RIC8A: variants seen among roughly 807,000 people sequenced by gnomAD.
RIC8A encodes RIC8 guanine nucleotide exchange factor A.
In RIC8A, 37 loss-of-function variants were observed where a neutral mutation model predicts 48.4. The ratio of observed to expected loss-of-function variants is 0.77; its 90% confidence interval spans 0.59 to 1.01. The LOEUF (loss-of-function observed/expected upper bound fraction) is 1.01. Ranked by LOEUF, RIC8A falls within the 50% of genes least tolerant of loss-of-function variation. RIC8A has a pLI of 0.00. For synonymous variants in RIC8A, 288 were observed against 283.4 expected (o/e 1.02, Z -0.16); for missense variants, 681 against 696.8 (o/e 0.98, Z 0.25).
intron 9 of RIC8A, among the ~76,000 whole-genome samples, chr11:214,010 C>G (rs961418596): frequency 2.0e-5 from 3 of 151,840 alleles, no homozygotes; most frequent in African/African-American, 7.3e-5. Context: ...AAATTAAGAG[C>G]CTGCTTAAGG....
Position 209,855 on chromosome 11 carries a change from A to C in RIC8A, c.581A>C (p.Asp194Ala). ...QELKGVRLLTDTLELTLGVTP... is the reference protein window; with the variant it reads ...QELKGVRLLTATLELTLGVTP... ...CTGAAAGGAGTGCGCCTGCTAACTG[A>C]CACACTGGAGCTGACGCTGGGGGTG... is the stretch of plus-strand genomic sequence containing the variant. Residue 194 changes from aspartate (D) to alanine (A), a missense_variant, in exon 3 of 10, where the codon GAC becomes GCC. Physicochemically the swap from Asp to Ala is moderately radical, Grantham distance 126 (BLOSUM62 -2). Transcript: ENST00000526104. The C allele has an allele frequency of 6.2e-7, 1 of 1,613,362 alleles. No individual in the cohort carries two copies. The highest frequency in any genetic ancestry group is 8.5e-7 in the Non-Finnish European group (1 of 1,180,012).
Position 211,464 on chromosome 11 carries a change from GGT to G in RIC8A, c.969+119_969+120del. ...ACTGGTACGTGGAGATTGTCTTGGT[GGT>G]GTGATATGGGCGACTCTTCCGGTTG... On this transcript the variant is annotated intron_variant, in intron 5 of 9. Coordinates refer to ENST00000526104, the MANE Select transcript of RIC8A (RefSeq NM_001286134.2). This position sits in a 1 kb window ranked among gnomAD's most constrained non-coding sequence, Gnocchi z 4.0. The G allele has an allele frequency of 8.6e-7, 1 of 1,161,424 alleles. No homozygotes were observed. Among genetic ancestry groups the G allele is most frequent in the Non-Finnish European group, 1.2e-6 (1 of 839,098 alleles). 71.9% of individuals were successfully genotyped at this position (1,161,424 alleles called of 1,614,324 possible). A position where few individuals can be genotyped will look rare whatever the true frequency, so the allele number is the denominator to read the frequency against.
chr11:214,771 T>C lies in RIC8A; in HGVS notation c.*421T>C, dbSNP rs369536042. 2.0e-5 allele frequency: 7 copies of C among 345,784 alleles called. No individual in the cohort carries two copies. In the East Asian group the frequency reaches 3.9e-4, roughly 19 times the overall value. The allele number at this position is 345,784 out of a possible 1,614,324, so 21.4% of individuals were successfully genotyped here. A position where few individuals can be genotyped will look rare whatever the true frequency, so the allele number is the denominator to read the frequency against. ...AGAGCCAGTGTGTTGGGGTATGTGC[T>C]GCACTTCCCAGGGAGAAAACCTGTC... On this transcript the variant is annotated 3_prime_UTR_variant, in exon 10 of 10. Coordinates refer to ENST00000526104, the MANE Select transcript of RIC8A (RefSeq NM_001286134.2).
At position 213,370 on chromosome 11, in the gene RIC8A, A is replaced by G; in HGVS notation, c.1427A>G (p.Lys476Arg). ...NPMEGMTEEQ[K>R]EHEAMKLVTM... is the part of the protein sequence containing the mutation. ...ATGGAGGGCATGACAGAGGAGCAGA[A>G]GGAGCACGAGGCCATGAAGCTGGTG... Residue 476 changes from lysine to arginine, a missense_variant, in exon 9 of 10, where the codon AAG becomes AGG. Physicochemically the swap from Lys to Arg is conservative, Grantham distance 26 (BLOSUM62 2). Coordinates refer to ENST00000526104, the MANE Select transcript of RIC8A (RefSeq NM_001286134.2). 1 of 1,610,882 alleles carries G rather than the reference A, an allele frequency of 6.2e-7. No individual in the cohort carries two copies. Among genetic ancestry groups the G allele is most frequent in the Non-Finnish European group, 8.5e-7 (1 of 1,178,550 alleles).
In RIC8A at chr11:215,012, A is replaced by G. The variant is rs186510149; in HGVS notation, c.*662A>G. 3.3e-3 allele frequency: 532 copies of G among 162,624 alleles called. 3 individuals are homozygous for G. Among genetic ancestry groups the G allele is most frequent in the Admixed American group, 9.5e-3 (173 of 18,196 alleles). 10.1% of individuals were successfully genotyped at this position (162,624 alleles called of 1,614,324 possible). A position where few individuals can be genotyped will look rare whatever the true frequency, so the allele number is the denominator to read the frequency against. On this transcript the variant is annotated 3_prime_UTR_variant, in exon 10 of 10. Coordinates refer to ENST00000526104, the MANE Select transcript of RIC8A (RefSeq NM_001286134.2). ...ACTGGTTTAGACTACACTTACAACA[A>G]GGAAAATGCCCCTCGTGTGACCATA...
At chr11:213,158 T>C in intron 8 of RIC8A, 141 bp from the exon 9 acceptor site, 1 of 1,387,108 alleles carries the variant, frequency 7.2e-7, no homozygotes, top group South Asian at 1.4e-5. Context: ...TGGCAGGAGC[T>C]GGTTACCTGT....
In RIC8A at chr11:208,979, G is replaced by A; in HGVS notation, c.84+41G>A. The A allele has an allele frequency of 7.0e-7, 1 of 1,424,310 alleles. No homozygotes were observed. The highest frequency in any genetic ancestry group is 9.7e-7 in the Non-Finnish European group (1 of 1,028,818). The allele number at this position is 1,424,310 out of a possible 1,614,324, so 88.2% of individuals were successfully genotyped here. On this transcript the variant is annotated intron_variant, in intron 1 of 9. Coordinates refer to ENST00000526104, the MANE Select transcript of RIC8A (RefSeq NM_001286134.2). The surrounding 1 kb of genome is among the most constrained non-coding windows in gnomAD (Gnocchi z 4.8). ...AGGCCGGGGGGCGGGCACGGAGGGGGTGGGGCAGGGTCGTGCGCGGGTAGC... is the reference window on the plus strand; with the variant it reads ...AGGCCGGGGGGCGGGCACGGAGGGGATGGGGCAGGGTCGTGCGCGGGTAGC...
In RIC8A at chr11:211,413, G is replaced by A. The variant is rs1855354160; in HGVS notation, c.969+64G>A. The A allele has an allele frequency of 2.6e-6, 4 of 1,536,800 alleles. No homozygotes were observed. In the African/African-American group the frequency reaches 4.1e-5, roughly 16 times the overall value. On this transcript the variant is annotated intron_variant, in intron 5 of 9. Coordinates refer to ENST00000526104, the MANE Select transcript of RIC8A (RefSeq NM_001286134.2). This position sits in a 1 kb window ranked among gnomAD's most constrained non-coding sequence, Gnocchi z 4.0. ...CTGGCACTGGTTCTCCTGCACAGATGTGGTCAGTGCTTCCACACTGTCCAC... is the reference window on the plus strand; with the variant it reads ...CTGGCACTGGTTCTCCTGCACAGATATGGTCAGTGCTTCCACACTGTCCAC...
Position 210,536 on chromosome 11 carries a change from G to C in RIC8A, c.727-35G>C, listed in dbSNP as rs768950247. The C allele has an allele frequency of 2.5e-6, 4 of 1,584,736 alleles. No homozygotes were observed. In the African/African-American group the frequency reaches 5.4e-5, roughly 21 times the overall value. ...TCAGCAGGCAGCAGTGGGATGAGTG[G>C]GGCTCCTCACAGGAACCCTTCTTTC... On this transcript the variant is annotated intron_variant, in intron 3 of 9. Coordinates refer to ENST00000526104, the MANE Select transcript of RIC8A (RefSeq NM_001286134.2).
intron 8 of RIC8A, 44 bp from the exon 9 acceptor site, chr11:213,253 GGA>G (rs765159390): frequency 6.0e-5 from 96 of 1,611,888 alleles, no homozygotes; most frequent in Non-Finnish European, 4.2e-5. Flanking sequence ...CTCCTGTCCT[GGA>G]GAGTCACTAA....
rs1185397728 is a variant in RIC8A, at chr11:213,411, C to T, written c.1468C>T (p.Leu490Phe). 9 of 1,585,958 alleles carry T rather than the reference C, an allele frequency of 5.7e-6. No individual in the cohort carries two copies. Among genetic ancestry groups the T allele is most frequent in the Non-Finnish European group, 7.7e-6 (9 of 1,165,428 alleles). ...GAAGCTGGTGACCATGTTTGACAAG[C>T]TCTCCAGGTGTGTGGCATGAGGAGG... ...AMKLVTMFDK[L>F]SRNRVIQPMG... Residue 490 changes from leucine to phenylalanine, a missense_variant, in exon 9 of 10, where the codon CTC (leucine) becomes TTC (phenylalanine). By Grantham distance (22) the Leu-to-Phe change is conservative (BLOSUM62 0). Coordinates refer to ENST00000526104, the MANE Select transcript of RIC8A (RefSeq NM_001286134.2).
intron 9 of RIC8A, chr11:213,840 G>C (rs1272034981): frequency 4.0e-6 from 1 of 252,872 alleles, no homozygotes; most frequent in Admixed American, 5.1e-5. Context: ...CCAGCTGCTC[G>C]GGAGGTTGAG....
rs61739386 is a variant in RIC8A, at chr11:209,425, G to C, written c.151G>C (p.Val51Leu). The change falls in exon 3 of 10, where the codon GTC becomes CTC. Residue 51 changes from valine (V) to leucine (L), a missense_variant. Coordinates refer to ENST00000526104, the MANE Select transcript of RIC8A (RefSeq NM_001286134.2). ...EDRKRLAELL[V>L]SVLEQGLPPS... is the part of the protein sequence containing the mutation. ...CCCACAGAGACTGGCGGAGCTGCTG[G>C]TCTCCGTCCTGGAACAGGGCTTGCC... The C allele has an allele frequency of 2.4e-4, 385 of 1,601,540 alleles. 3 individuals are homozygous for C. The African/African-American group carries it at 4.7e-3, about 20-fold the overall frequency.
Position 213,360 on chromosome 11 carries a change from G to A in RIC8A, c.1417G>A (p.Glu473Lys), listed in dbSNP as rs375396924. The A allele has an allele frequency of 2.5e-6, 4 of 1,612,946 alleles. No individual in the cohort carries two copies. In the South Asian group the frequency reaches 4.4e-5, roughly 18 times the overall value. The change falls in exon 9 of 10, where the codon GAG becomes AAG. Residue 473 changes from glutamate to lysine, a missense_variant. Transcript: ENST00000526104. ...GCCTAACCCTATGGAGGGCATGACA[G>A]AGGAGCAGAAGGAGCACGAGGCCAT... Reference protein sequence around the residue: ...KPPNPMEGMTEEQKEHEAMKL... With the variant: ...KPPNPMEGMTKEQKEHEAMKL...
chr11:214,026 T>G (rs2133757038), intron 9 of RIC8A, among the ~76,000 whole-genome samples: 1 of 152,124 alleles, frequency 6.6e-6, no homozygotes, highest in Middle Eastern at 3.4e-3. Context: ...TAAGGCCAAT[T>G]TAGATGTTTA....
intron 1 of RIC8A, 46 bp from the exon 2 acceptor site, chr11:209,225 G>A: frequency 1.2e-6 from 2 of 1,612,806 alleles, no homozygotes; most frequent in South Asian, 1.1e-5. Flanking sequence ...CAGCGGACGC[G>A]GATCCTACCC....
intron 3 of RIC8A, 103 bp from the exon 4 acceptor site, chr11:210,468 A>C (rs1462622783): frequency 9.2e-7 from 1 of 1,083,206 alleles, no homozygotes; most frequent in African/African-American, 1.5e-5. Context: ...GGAGGTGCAC[A>C]GTCATTGCCA....
rs1855402340 is a variant in RIC8A at position 212,988 on chromosome 11, ACCC to A, written c.1355+10_1355+12del. 1.3e-6 allele frequency: 2 copies of A among 1,539,992 alleles called. No individual in the cohort carries two copies. Among genetic ancestry groups the A allele is most frequent in the Non-Finnish European group, 1.7e-6 (2 of 1,144,626 alleles). ...ACAAGGAAGCCAAAGCCAGGTGTGT[ACCC>A]CCAACACACCCTCGGGTCTCCACTC... On this transcript the variant is annotated splice_region_variant and intron_variant, in intron 8 of 9. Coordinates refer to ENST00000526104, the MANE Select transcript of RIC8A (RefSeq NM_001286134.2).
chr11:214,171 G>C (rs753587208), intron 9 of RIC8A, 59 bp from the exon 10 acceptor site: 1 of 1,578,462 alleles, frequency 6.3e-7, no homozygotes, highest in Admixed American at 1.8e-5. Context: ...CGGGTGAGTA[G>C]GACCCCTGCC....
Sources: gnomAD v4.1 joint callset for allele counts (sites outside exome capture counted in the v4.1 genomes callset) on GRCh38, gnomAD v4.1.1 for gene constraint, Gnocchi (gnomAD v3.1) non-coding constraint, MANE v1.5 for transcripts, NCBI Gene and HGNC (gene_info 2026-07-23, HGNC 2026-07-21) for gene names.